Variants in PPARGC1A observed in about 807,000 individuals in gnomAD.
PPARGC1A encodes the protein PPARG coactivator 1 alpha.
A neutral mutation model predicts 88.7 loss-of-function variants in PPARGC1A; 25 were observed. The ratio of observed to expected loss-of-function variants is 0.28; its 90% CI spans 0.21 to 0.39. The LOEUF (loss-of-function observed/expected upper bound fraction) is 0.39. PPARGC1A is among the 10% of genes least tolerant of loss of function. PPARGC1A has a pLI of 1.00. For missense variants in PPARGC1A, 880 were observed against 968.7 expected, an observed-to-expected ratio of 0.91 and a Z score of 1.22; for synonymous variants, 363 against 355.6, an observed-to-expected ratio of 1.02 and a Z score of -0.24.
the PPARGC1A span, among the ~76,000 whole-genome samples, chr4:24,266,749 C>G: frequency 6.6e-6 from 1 of 152,122 alleles, no homozygotes; most frequent in African/African-American, 2.4e-5. Flanking sequence ...GAAGGAACAA[C>G]AGATGCGGAG....
the PPARGC1A span, among the ~76,000 whole-genome samples, chr4:24,271,663 C>T: frequency 1.3e-5 from 2 of 152,156 alleles, no homozygotes; most frequent in Non-Finnish European, 2.9e-5. Context: ...AGGCGTGAGC[C>T]GAGTTCAAAT....
the PPARGC1A span, among the ~76,000 whole-genome samples, chr4:24,075,897 A>G: frequency 6.6e-6 from 1 of 152,154 alleles, no homozygotes; most frequent in African/African-American, 2.4e-5. Flanking sequence ...CACCAGAGCT[A>G]GGACCAGGTT....
intron 1 of PPARGC1A, among the ~76,000 whole-genome samples, chr4:23,885,743 A>C (rs1439899676): frequency 6.6e-6 from 1 of 152,192 alleles, no homozygotes; most frequent in Non-Finnish European, 1.5e-5. Context: ...GCATACCATC[A>C]CTATATTTTG....
chr4:24,451,639 A>G, the PPARGC1A span, among the ~76,000 whole-genome samples: 1 of 152,026 alleles, frequency 6.6e-6, no homozygotes. Context: ...GTGCACTGGC[A>G]CCATCTCGGC....
At chr4:23,885,624 G>A (rs1047467407) in intron 1 of PPARGC1A, among the ~76,000 whole-genome samples, 2 of 150,082 alleles carry the variant, frequency 1.3e-5, no homozygotes, top group Admixed American at 6.7e-5. Context: ...TTTCTATACG[G>A]CTTTTGTATG....
the PPARGC1A span, among the ~76,000 whole-genome samples, chr4:24,200,733 T>C: frequency 6.7e-6 from 1 of 149,204 alleles, no homozygotes; most frequent in Non-Finnish European, 1.5e-5. Context: ...CACATGGGTG[T>C]TTCTTAGGCA....
At chr4:24,274,816 T>A in the PPARGC1A span, among the ~76,000 whole-genome samples, 1 of 152,234 alleles carries the variant, frequency 6.6e-6, no homozygotes, top group African/African-American at 2.4e-5. Flanking sequence ...CTACATTTTT[T>A]TTTAAATTAA....
chr4:23,968,025 G>A, the PPARGC1A span, among the ~76,000 whole-genome samples: 43 of 152,270 alleles, frequency 2.8e-4, no homozygotes, highest in Non-Finnish European at 7.4e-5. Context: ...TGGAAGTAAG[G>A]AAGTACTTGG....
At position 23,853,272 on chromosome 4, in the gene PPARGC1A, G is replaced by C. The variant is rs146539653; in HGVS notation, c.235-21521C>G. Among the ~76,000 whole-genome samples, 8 of 152,260 alleles carry C rather than the reference G, an allele frequency of 5.3e-5. No homozygotes were observed. In the East Asian group the frequency reaches 1.4e-3, roughly 26 times the overall value. ...TAGAACATCTTTTAAAGGGGGAAAAGTGAGAGACATGTAAGATAGAAACAT... is the reference window on the plus strand; with the variant it reads ...TAGAACATCTTTTAAAGGGGGAAAACTGAGAGACATGTAAGATAGAAACAT... On this transcript the variant is annotated intron_variant, in intron 2 of 12. Transcript: ENST00000264867.
chr4:24,234,912 G>A, the PPARGC1A span, among the ~76,000 whole-genome samples: 1 of 152,134 alleles, frequency 6.6e-6, no homozygotes, highest in Non-Finnish European at 1.5e-5. Flanking sequence ...TTTGCAACAT[G>A]AAAACAAAAC....
chr4:24,135,386 T>C, the PPARGC1A span, among the ~76,000 whole-genome samples: 27 of 152,128 alleles, frequency 1.8e-4, no homozygotes, highest in African/African-American at 6.3e-4. Context: ...ACAGTAATCC[T>C]TCCCAGTGGC....
At chr4:24,206,614 T>C in the PPARGC1A span, among the ~76,000 whole-genome samples, 2 of 152,026 alleles carry the variant, frequency 1.3e-5, no homozygotes, top group Non-Finnish European at 2.9e-5. Context: ...GGTTGATCAC[T>C]TGAGGCCAGG....
At chr4:24,029,140 A>G in the PPARGC1A span, among the ~76,000 whole-genome samples, 4 of 152,296 alleles carry the variant, frequency 2.6e-5, no homozygotes, top group African/African-American at 9.6e-5. Flanking sequence ...CAGCATCAAG[A>G]TGATAAATTC....
At chr4:24,444,806 T>C in the PPARGC1A span, among the ~76,000 whole-genome samples, 1 of 152,136 alleles carries the variant, frequency 6.6e-6, no homozygotes, top group Non-Finnish European at 1.5e-5. Context: ...CAGCCTGTAA[T>C]CTCAGCAATT....
chr4:24,034,706 C>T, the PPARGC1A span, among the ~76,000 whole-genome samples: 4 of 152,034 alleles, frequency 2.6e-5, no homozygotes, highest in Admixed American at 6.6e-5. Context: ...TTTTTACATG[C>T]TAGATGATGA....
At chr4:24,216,142 C>CTTTTTTTT in the PPARGC1A span, among the ~76,000 whole-genome samples, 1 of 83,220 alleles carries the variant, frequency 1.2e-5, no homozygotes, top group Non-Finnish European at 2.4e-5. Context: ...GCAGCTAACT[C>CTTTTTTTT]TTTTTTTTTT....
chr4:23,954,037 A>AT, the PPARGC1A span, among the ~76,000 whole-genome samples: 2,056 of 149,884 alleles, frequency 0.014, 44 homozygotes, highest in African/African-American at 0.043. Flanking sequence ...TATACTAAGT[A>AT]TTTTTTTTTT....
the PPARGC1A span, among the ~76,000 whole-genome samples, chr4:24,222,791 G>C: frequency 6.6e-6 from 1 of 152,062 alleles, no homozygotes; most frequent in Non-Finnish European, 1.5e-5. Flanking sequence ...TCTTGTCTTT[G>C]TCATTTAAAT....
the PPARGC1A span, among the ~76,000 whole-genome samples, chr4:24,411,907 T>C: frequency 6.6e-6 from 1 of 152,346 alleles, no homozygotes; most frequent in African/African-American, 2.4e-5. Flanking sequence ...AGTTTATCCA[T>C]TTACCTACTA....
Sources: allele counts gnomAD v4.1 joint callset (sites outside exome capture counted in the v4.1 genomes callset), GRCh38; gene constraint gnomAD v4.1.1; transcripts MANE v1.5; gene names NCBI Gene and HGNC (gene_info 2026-07-23, HGNC 2026-07-21).